The following TADA2A variants were observed in gnomAD, a reference collection of about 807,000 sequenced individuals.
The protein encoded by TADA2A is transcriptional adaptor 2A.
A neutral mutation model predicts 67.4 loss-of-function variants in TADA2A; 38 were observed. That is an observed-to-expected ratio of 0.56 (90% CI 0.44 to 0.74). The LOEUF is 0.74. TADA2A is among the 30% of genes least tolerant of loss of function. TADA2A has a pLI of 0.00. For missense variants in TADA2A, 454 were observed against 547.0 expected (o/e 0.83, Z 1.70); for synonymous variants, 192 against 181.6 (o/e 1.06, Z -0.46).
chr17:37,427,042 C>CT (rs749876139), intron 4 of TADA2A, 33 bp downstream of exon 4: 5 of 1,542,404 alleles, frequency 3.2e-6, no homozygotes, highest in Non-Finnish European at 4.4e-6. Flanking sequence ...TTTCTGTTCA[C>CT]TTTTTTTAAG....
rs575103708 is a variant in TADA2A, at chr17:37,419,169, T to C, written c.26-4340T>C. Among the ~76,000 whole-genome samples, 3 of 146,064 alleles carry C rather than the reference T, an allele frequency of 2.1e-5. 1 individual carries two copies. The South Asian group carries it at 6.7e-4, about 33-fold the overall frequency. ...TTAAGAACTTACTTTTACAAAGTAA[T>C]TGCTTTTTTTTTTCTTTTTGAGAGA... is the stretch of plus-strand genomic sequence containing the variant. On this transcript the variant is annotated intron_variant, in intron 2 of 15. Coordinates refer to ENST00000615182, the MANE Select transcript of TADA2A (RefSeq NM_001166105.3).
At chr17:37,423,397 A>T (rs756945322) in intron 2 of TADA2A, 112 bp from the exon 3 acceptor site, 10 of 790,480 alleles carry the variant, frequency 1.3e-5, no homozygotes, top group African/African-American at 5.2e-5. Context: ...GTCTCCATGA[A>T]CTTTTCAGCT....
chr17:37,465,170 G>T (rs961524257), intron 10 of TADA2A, among the ~76,000 whole-genome samples: 3 of 151,886 alleles, frequency 2.0e-5, no homozygotes, highest in African/African-American at 7.3e-5. Flanking sequence ...GACAGTAGAT[G>T]TGGGAGATGA....
chr17:37,432,563 T>C (rs2052600938), intron 4 of TADA2A, among the ~76,000 whole-genome samples: 1 of 152,250 alleles, frequency 6.6e-6, no homozygotes, highest in Non-Finnish European at 1.5e-5. Flanking sequence ...TATTCTGTTG[T>C]ACGAACATAA....
At chr17:37,425,671 CAG>C (rs2052383227) in intron 3 of TADA2A, among the ~76,000 whole-genome samples, 1 of 151,964 alleles carries the variant, frequency 6.6e-6, no homozygotes, top group South Asian at 2.1e-4. Flanking sequence ...TTTTTTGAGA[CAG>C]GGTTTCACTG....
intron 4 of TADA2A, among the ~76,000 whole-genome samples, chr17:37,428,913 G>T (rs1232491092): frequency 6.6e-6 from 1 of 151,916 alleles, no homozygotes; most frequent in African/African-American, 2.4e-5. Flanking sequence ...AGGTGTGGTG[G>T]TGGGCGCCTG....
intron 9 of TADA2A, 50 bp downstream of exon 9, chr17:37,458,637 T>C: frequency 3.1e-6 from 3 of 980,620 alleles, no homozygotes; most frequent in Non-Finnish European, 4.5e-6. Context: ...GATTATTGTT[T>C]TGTGTGTGTG....
intron 9 of TADA2A, among the ~76,000 whole-genome samples, chr17:37,460,027 C>A (rs1346416390): frequency 6.6e-6 from 1 of 151,358 alleles, no homozygotes; most frequent in Non-Finnish European, 1.5e-5. Context: ...GATCACACCA[C>A]TGCACTCCAG....
intron 4 of TADA2A, 55 bp downstream of exon 4, chr17:37,427,064 G>C: frequency 6.9e-7 from 1 of 1,451,952 alleles, no homozygotes; most frequent in Non-Finnish European, 9.3e-7. Flanking sequence ...ATTAGACTGG[G>C]AAGTAGTTTT....
chr17:37,442,471 C>G (rs2052948837), intron 6 of TADA2A, 93 bp from the exon 7 acceptor site: 1 of 950,040 alleles, frequency 1.1e-6, no homozygotes, highest in Non-Finnish European at 1.5e-6. Context: ...TTATAAAAAC[C>G]ATTTTAAATT....
intron 13 of TADA2A, 40 bp from the exon 14 acceptor site, chr17:37,471,054 T>C: frequency 3.7e-6 from 6 of 1,612,762 alleles, no homozygotes; most frequent in Non-Finnish European, 5.1e-6. Context: ...ATCACCTTGT[T>C]TGATATGACC....
chr17:37,408,551 T>A (rs1046061217), intron 1 of TADA2A: 2 of 152,214 alleles, frequency 1.3e-5, no homozygotes, highest in African/African-American at 4.8e-5. Flanking sequence ...GCGTCCAGCC[T>A]TGACATCTGT....
At chr17:37,459,626 T>A (rs985660597) in intron 9 of TADA2A, among the ~76,000 whole-genome samples, 6 of 149,292 alleles carry the variant, frequency 4.0e-5, no homozygotes, top group Non-Finnish European at 8.9e-5. Context: ...TCACACTTAC[T>A]CTGTCACCCA....
intron 6 of TADA2A, 58 bp from the exon 7 acceptor site, chr17:37,442,506 C>T (rs1208187705): frequency 2.3e-6 from 3 of 1,321,248 alleles, no homozygotes; most frequent in East Asian, 4.7e-5. Flanking sequence ...ACTATTATGT[C>T]ATTTTTTTCA....
At chr17:37,435,682 C>T (rs112122554) in intron 4 of TADA2A, among the ~76,000 whole-genome samples, 18 of 152,028 alleles carry the variant, frequency 1.2e-4, no homozygotes, top group Non-Finnish European at 2.2e-4. Context: ...CGGGTTCAAG[C>T]GATCCTCCTG....
At chr17:37,423,724 C>G in intron 3 of TADA2A, 109 bp downstream of exon 3, 1 of 736,968 alleles carries the variant, frequency 1.4e-6, no homozygotes, top group Non-Finnish European at 2.1e-6. Context: ...CTTATTAAAT[C>G]TATTCCTTCC....
rs532784469 is a variant in TADA2A, at chr17:37,420,029, C to T, written c.26-3480C>T. Among the ~76,000 whole-genome samples the T allele has an allele frequency of 1.4e-5, 2 of 145,132 alleles. 1 individual carries two copies. The highest frequency in any genetic ancestry group is 4.5e-4 in the South Asian group (2 of 4,444). ...GACTCCGTCTCAAAAAAAAAAACTA[C>T]TTTGCTCAGTGGCTGATGCCTTTTT... is the stretch of plus-strand genomic sequence containing the variant. On this transcript the variant is annotated intron_variant, in intron 2 of 15. Transcript: ENST00000615182.
intron 7 of TADA2A, 127 bp downstream of exon 7, chr17:37,442,779 C>T: frequency 1.3e-6 from 1 of 781,776 alleles, no homozygotes; most frequent in East Asian, 2.9e-5. Context: ...ATTTGTAGGA[C>T]CTTTAGGCAG....
intron 8 of TADA2A, among the ~76,000 whole-genome samples, chr17:37,455,674 C>T (rs1196418894): frequency 1.3e-5 from 2 of 152,172 alleles, no homozygotes; most frequent in African/African-American, 2.4e-5. Flanking sequence ...AGCCACTGCG[C>T]CTGGCCGCTT....
Sources: allele counts gnomAD v4.1 joint callset (sites outside exome capture counted in the v4.1 genomes callset), GRCh38; gene constraint gnomAD v4.1.1; transcripts MANE v1.5; gene names NCBI Gene and HGNC (gene_info 2026-07-23, HGNC 2026-07-21).